TCF20: variants seen among roughly 807,000 people sequenced by gnomAD.
TCF20 encodes transcription factor 20, also known as SPRE-binding protein.
Under a neutral mutation model 148.6 loss-of-function variants are expected in TCF20, and 3 were observed. That is an observed-to-expected ratio of 0.02 (90% CI 0.01 to 0.05). TCF20 has a LOEUF of 0.05. TCF20 is among the 10% of genes least tolerant of loss of function. The probability of loss-of-function intolerance (pLI) is 1.00; values close to 1 mark genes in which losing one functional copy is unlikely to be tolerated. For synonymous variants in TCF20, 1,049 were observed against 909.5 expected (o/e 1.15, Z -2.76); for missense variants, 2,350 against 2,429.3 (o/e 0.97, Z 0.69).
intron 1 of TCF20, among the ~76,000 whole-genome samples, chr22:42,227,108 C>A (rs1278518871): frequency 2.0e-5 from 3 of 152,110 alleles, no homozygotes; most frequent in African/African-American, 7.2e-5. Flanking sequence ...TACAGTGAAA[C>A]CCCGTCTCTA....
chr22:42,173,334 C>G (rs182453345), intron 3 of TCF20, among the ~76,000 whole-genome samples: 20 of 151,502 alleles, frequency 1.3e-4, no homozygotes, highest in African/African-American at 1.9e-4. Context: ...ACAAGCAACA[C>G]AAAACAGCTG....
At chr22:42,186,081 C>T (rs1048841194) in intron 2 of TCF20, among the ~76,000 whole-genome samples, 1 of 152,210 alleles carries the variant, frequency 6.6e-6, no homozygotes, top group Non-Finnish European at 1.5e-5. Context: ...CACACTTAAT[C>T]AATTATGATG....
At chr22:42,199,791 A>C (rs2147158973) in intron 2 of TCF20, among the ~76,000 whole-genome samples, 1 of 147,570 alleles carries the variant, frequency 6.8e-6, no homozygotes, top group East Asian at 2.0e-4. Context: ...CAGAGGTTGC[A>C]GTGAGCTGGG....
At chr22:42,221,739 G>GTTTTGTTTTT (rs1555931751) in intron 1 of TCF20, among the ~76,000 whole-genome samples, 11 of 92,820 alleles carry the variant, frequency 1.2e-4, no homozygotes, top group Admixed American at 2.6e-4. Flanking sequence ...ATGGCAAAGG[G>GTTTTGTTTTT]TTTTTTTTTT....
At position 42,283,483 on chromosome 22, in the gene TCF20, C is replaced by T. The variant is rs570319570; in HGVS notation, c.-37+344G>A. ...CGGGGCCCTGCCCTTCACGCCCCTGCTGCTGCCGCGCTCCCCGAGCAGCCC... is the reference window on the plus strand; with the variant it reads ...CGGGGCCCTGCCCTTCACGCCCCTGTTGCTGCCGCGCTCCCCGAGCAGCCC... On this transcript the variant is annotated intron_variant, in intron 1 of 5. Coordinates refer to the TCF20 transcript ENST00000359486. Among the ~76,000 whole-genome samples, 7 of 152,134 alleles carry T rather than the reference C, an allele frequency of 4.6e-5. No homozygotes were observed. The South Asian group carries it at 1.2e-3, about 27-fold the overall frequency.
At chr22:42,304,582 G>A (rs1187407454) in intron 1 of TCF20, among the ~76,000 whole-genome samples, 5 of 152,178 alleles carry the variant, frequency 3.3e-5, no homozygotes, top group Non-Finnish European at 7.4e-5. Context: ...GAGGTACAGG[G>A]TAGCAAGTCT....
chr22:42,242,224 A>AAAAAAAAAAAAAAAC (rs1555942548), intron 1 of TCF20, among the ~76,000 whole-genome samples: 16 of 147,692 alleles, frequency 1.1e-4, no homozygotes, highest in African/African-American at 4.2e-4. Context: ...AAAAAAAAAA[A>AAAAAAAAAAAAAAAC]AAACAGAAAA....
rs777297539 is a variant in TCF20, at chr22:42,213,245, T to G, written c.2061A>C (p.Ala687=). 12 of 1,614,156 alleles carry G rather than the reference T, an allele frequency of 7.4e-6. No individual in the cohort carries two copies. The South Asian group carries it at 1.2e-4, about 16-fold the overall frequency. Residue 687 remains alanine (A), a synonymous_variant, in exon 2 of 6, where the codon GCA becomes GCC. Transcript: ENST00000677622. The stretch of plus-strand genomic sequence containing the variant: ...TTCTGCTCGTAAAACCAGGGCCCGC[T>G]GCAGAGTGGCCACTCTGGCCATTTC... ...GEGNGQSGHS[A]AGPGFTSRTE...
intron 2 of TCF20, among the ~76,000 whole-genome samples, chr22:42,199,092 G>C (rs535109255): frequency 2.0e-5 from 3 of 152,276 alleles, no homozygotes; most frequent in Non-Finnish European, 4.4e-5. Context: ...ATCTAGAAGA[G>C]TCAGATATGT....
chr22:42,326,050 C>A (rs1276228587), intron 1 of TCF20, among the ~76,000 whole-genome samples: 1 of 152,100 alleles, frequency 6.6e-6, no homozygotes, highest in Non-Finnish European at 1.5e-5. Flanking sequence ...ATACAGGCTT[C>A]TCTGGCTGCC....
At chr22:42,241,665 A>G (rs777795079) in intron 1 of TCF20, among the ~76,000 whole-genome samples, 4 of 152,094 alleles carry the variant, frequency 2.6e-5, no homozygotes, top group Non-Finnish European at 5.9e-5. Flanking sequence ...CATCTCTACT[A>G]AAAGTACAAA....
chr22:42,183,956 A>G (rs138660901), intron 2 of TCF20, among the ~76,000 whole-genome samples: 1 of 151,936 alleles, frequency 6.6e-6, no homozygotes, highest in Non-Finnish European at 1.5e-5. Flanking sequence ...TTTAGTAGAG[A>G]TGAGGTTTCA....
In TCF20 at chr22:42,297,746, C is replaced by T. The variant is rs1927261325; in HGVS notation, c.-37+45733G>A. Among the ~76,000 whole-genome samples, 3 of 152,204 alleles carry T rather than the reference C, an allele frequency of 2.0e-5. No homozygotes were observed. Among genetic ancestry groups the T allele is most frequent in the Admixed American group, 2.0e-4 (3 of 15,288 alleles). On this transcript the variant is annotated intron_variant, in intron 1 of 1. Transcript: ENST00000515426. This position sits in a 1 kb window ranked among gnomAD's most constrained non-coding sequence, Gnocchi z 4.3. ...GTGGACTCCCCTCTTGCCCCACAAA[C>T]CACAACAGAAGGCCTCGGGTCGCAT...
In TCF20 at chr22:42,177,307, C is replaced by T. The variant is rs547884078; in HGVS notation, c.5749+2302G>A. On this transcript the variant is annotated intron_variant, in intron 3 of 5. Transcript: ENST00000677622. ...GTGGGCGCCTGTAGTCCCAGCTACT[C>T]GGGAGGCTGTGGCAGGAGAATCACT... is the stretch of plus-strand genomic sequence containing the variant. Among the ~76,000 whole-genome samples, 24 of 152,134 alleles carry T rather than the reference C, an allele frequency of 1.6e-4. No homozygotes were observed. The East Asian group carries it at 3.9e-3, about 24-fold the overall frequency.
intron 2 of TCF20, among the ~76,000 whole-genome samples, chr22:42,191,928 G>A (rs1937356242): frequency 6.6e-6 from 1 of 152,224 alleles, no homozygotes; most frequent in Non-Finnish European, 1.5e-5. Context: ...AGTACAGGGA[G>A]AGAAATACTT....
In TCF20 at chr22:42,235,097, G is replaced by A. The variant is rs528057080; in HGVS notation, c.-36-19756C>T. Among the ~76,000 whole-genome samples the A allele has an allele frequency of 4.7e-5, 7 of 149,402 alleles. 1 individual carries two copies. In the South Asian group the frequency reaches 1.1e-3, roughly 22 times the overall value. On this transcript the variant is annotated intron_variant, in intron 1 of 5. Coordinates refer to ENST00000677622, the MANE Select transcript of TCF20 (RefSeq NM_001378418.1). ...ACAGAAGTTGCAGTGAGCCGAGATC[G>A]TGCCACTGCACTCCAGTCTGGCCAA...
rs569522506 is a variant in TCF20, at chr22:42,221,858, C to T, written c.-36-6517G>A. Among the ~76,000 whole-genome samples the T allele has an allele frequency of 2.0e-5, 3 of 150,092 alleles. No individual in the cohort carries two copies. In the East Asian group the frequency reaches 5.9e-4, roughly 30 times the overall value. On this transcript the variant is annotated intron_variant, in intron 1 of 5. Transcript: ENST00000677622. ...GGTTCACGTCATTCTCCTGCCTCAG[C>T]CTCCCAAGTAGCTGGGACTACAGGC...
chr22:42,261,964 C>A (rs1926051766), intron 1 of TCF20, among the ~76,000 whole-genome samples: 1 of 152,118 alleles, frequency 6.6e-6, no homozygotes, highest in African/African-American at 2.4e-5. Context: ...GCACTCCAGC[C>A]TGGGTGACAG....
At chr22:42,222,209 G>C (rs149789547) in intron 1 of TCF20, among the ~76,000 whole-genome samples, 12 of 152,122 alleles carry the variant, frequency 7.9e-5, no homozygotes, top group African/African-American at 2.9e-4. Flanking sequence ...CAATGACAAA[G>C]ATAAGGTTGT....
Sources: gnomAD v4.1 joint callset for allele counts (sites outside exome capture counted in the v4.1 genomes callset) on GRCh38, gnomAD v4.1.1 for gene constraint, Gnocchi (gnomAD v3.1) non-coding constraint, MANE v1.5 for transcripts, NCBI Gene and HGNC (gene_info 2026-07-23, HGNC 2026-07-21) for gene names.